Variants in PDZD8 observed in about 807,000 individuals in gnomAD.
PDZD8 encodes PDZ domain containing 8.
In PDZD8, 14 loss-of-function variants were observed where a neutral mutation model predicts 85.8. That is an observed-to-expected ratio of 0.16 (90% CI 0.11 to 0.26). PDZD8 has a LOEUF of 0.26. PDZD8 is among the 10% of genes least tolerant of loss of function. The pLI is 1.00. For missense variants in PDZD8, 1,197 were observed against 1,424.3 expected, an observed-to-expected ratio of 0.84 and a Z score of 2.57; for synonymous variants, 592 against 568.6, an observed-to-expected ratio of 1.04 and a Z score of -0.59.
Position 117,283,841 on chromosome 10 carries a change from T to C in PDZD8, c.2892A>G (p.Val964=), listed in dbSNP as rs2133756699. 3 of 1,614,216 alleles carry C rather than the reference T, an allele frequency of 1.9e-6. No homozygotes were observed. Among genetic ancestry groups the C allele is most frequent in the Non-Finnish European group, 2.5e-6 (3 of 1,180,030 alleles). Residue 964 remains valine (V), a synonymous_variant, in exon 5 of 5, where the codon GTA becomes GTG. Transcript: ENST00000334464. ...TRLSEPGTDL[V]EPSPKHTPNT... is the part of the protein sequence containing the mutation. The stretch of plus-strand genomic sequence containing the variant: ...TGGGTGTGTGTTTTGGTGAAGGTTC[T>C]ACGAGATCGGTTCCTGGTTCAGAAA...
intron 2 of PDZD8, among the ~76,000 whole-genome samples, chr10:117,339,387 A>G (rs2532844): frequency 0.77 from 116,880 of 152,020 alleles, 45,591 homozygotes; most frequent in Non-Finnish European, 0.85. Context: ...TAGCTTTTGA[A>G]CCAAACCAAG....
intron 2 of PDZD8, among the ~76,000 whole-genome samples, chr10:117,340,028 T>TA (rs1844583429): frequency 6.6e-6 from 1 of 152,168 alleles, no homozygotes; most frequent in Non-Finnish European, 1.5e-5. Context: ...GACTAGGAGA[T>TA]ATGAAGGCTA....
At chr10:117,358,617 T>A (rs1844941694) in intron 1 of PDZD8, among the ~76,000 whole-genome samples, 1 of 152,200 alleles carries the variant, frequency 6.6e-6, no homozygotes, top group Non-Finnish European at 1.5e-5. Context: ...ATTTATTTAT[T>A]CCTCACTTTC....
At chr10:117,373,040 G>C (rs1428772479) in intron 1 of PDZD8, among the ~76,000 whole-genome samples, 1 of 152,110 alleles carries the variant, frequency 6.6e-6, no homozygotes, top group Non-Finnish European at 1.5e-5. Flanking sequence ...AAATTTTAAA[G>C]GCTCAAATGT....
rs761153142 is a variant in PDZD8, at chr10:117,374,348, C to T, written c.872+8G>A. 6.2e-6 allele frequency: 10 copies of T among 1,610,824 alleles called. No individual in the cohort carries two copies. The African/African-American group carries it at 1.2e-4, about 19-fold the overall frequency. On this transcript the variant is annotated splice_region_variant and intron_variant, in intron 1 of 4. Transcript: ENST00000334464. The surrounding 1 kb of genome is among the most constrained non-coding windows in gnomAD (Gnocchi z 7.8). ...GCAGCCAGGCCCCCTCCCCGACCTC[C>T]AGCTCACCTGATCTTGTAATTCGGT...
chr10:117,359,007 G>A (rs975782173), intron 1 of PDZD8, among the ~76,000 whole-genome samples: 3 of 152,096 alleles, frequency 2.0e-5, no homozygotes, highest in African/African-American at 7.2e-5. Context: ...ATGGCTGTTT[G>A]TCTTCCTTGG....
intron 2 of PDZD8, among the ~76,000 whole-genome samples, chr10:117,328,823 T>C (rs1379115951): frequency 6.6e-6 from 1 of 152,206 alleles, no homozygotes; most frequent in Non-Finnish European, 1.5e-5. Flanking sequence ...TAATTAAATA[T>C]AATCCTCCCT....
intron 2 of PDZD8, among the ~76,000 whole-genome samples, chr10:117,324,964 T>C (rs1844289720): frequency 6.6e-6 from 1 of 152,174 alleles, no homozygotes; most frequent in African/African-American, 2.4e-5. Context: ...TATGGCAATA[T>C]AATCATTTAT....
intron 3 of PDZD8, among the ~76,000 whole-genome samples, chr10:117,294,069 T>C (rs1345072833): frequency 1.3e-5 from 2 of 152,184 alleles, no homozygotes; most frequent in Admixed American, 6.5e-5. Flanking sequence ...AGGAAATTTA[T>C]AGTTTTAAAT....
rs1197328345 is a variant in PDZD8, at chr10:117,284,144, A to G, written c.2589T>C (p.Thr863=). The change falls in exon 5 of 5, where the codon ACT becomes ACC. Residue 863 remains threonine (T), a synonymous_variant. Coordinates refer to ENST00000334464, the MANE Select transcript of PDZD8 (RefSeq NM_173791.5). ...AAAACATACACTGGGAAGCTGCTTT[A>G]GTCCAAACTTTTTTCTTACAGTAGT... The part of the protein sequence containing the change: ...WCDYCKKKVW[T]KAASQCMFCA... 19 of 1,614,046 alleles carry G rather than the reference A, an allele frequency of 1.2e-5. No individual in the cohort carries two copies. The highest frequency in any genetic ancestry group is 1.6e-5 in the Non-Finnish European group (19 of 1,180,032).
chr10:117,284,374 C>T lies in PDZD8; in HGVS notation c.2359G>A (p.Gly787Ser), dbSNP rs779310296. 9 of 1,614,120 alleles carry T rather than the reference C, an allele frequency of 5.6e-6. No individual in the cohort carries two copies. Among genetic ancestry groups the T allele is most frequent in the Non-Finnish European group, 7.6e-6 (9 of 1,180,026 alleles). Residue 787 changes from glycine to serine, a missense_variant, in exon 5 of 5, where the codon GGT (glycine) becomes AGT (serine). Gly to Ser is a moderately conservative substitution (Grantham distance 56). This residue lies in a region of PDZD8 where 418 missense variants were observed against 571.1 expected (regional missense o/e 0.73). Transcript: ENST00000334464. ...QKGFNDKFCYGDITIHFKYLK... is the reference protein window; with the variant it reads ...QKGFNDKFCYSDITIHFKYLK... Reference sequence around the variant, plus strand: ...TATTTGAAGTGAATAGTAATGTCACCATAGCAAAATTTGTCATTGAATCCC... The same window carrying T: ...TATTTGAAGTGAATAGTAATGTCACTATAGCAAAATTTGTCATTGAATCCC...
At chr10:117,338,598 C>A (rs1300826797) in intron 2 of PDZD8, among the ~76,000 whole-genome samples, 1 of 152,118 alleles carries the variant, frequency 6.6e-6, no homozygotes, top group East Asian at 1.9e-4. Context: ...CATCATCAAC[C>A]CAGTTCCTTC....
rs1258092625 is a variant in PDZD8 at position 117,282,604 on chromosome 10, A to C, written c.*664T>G. ...TACAGCTGCACAAAAGCTTTAGAAA[A>C]AAATTTCACAGAAGCATCGAAAGCA... On this transcript the variant is annotated 3_prime_UTR_variant, in exon 5 of 5. Transcript: ENST00000334464. The C allele has an allele frequency of 6.6e-6, 1 of 152,212 alleles. No homozygotes were observed. Among genetic ancestry groups the C allele is most frequent in the Non-Finnish European group, 1.5e-5 (1 of 68,044 alleles). The allele number at this position is 152,212 out of a possible 1,614,324, so 9.4% of individuals were successfully genotyped here. A position where few individuals can be genotyped will look rare whatever the true frequency, so the allele number is the denominator to read the frequency against.
At chr10:117,355,441 A>G (rs1844877592) in intron 1 of PDZD8, among the ~76,000 whole-genome samples, 1 of 152,154 alleles carries the variant, frequency 6.6e-6, no homozygotes, top group Non-Finnish European at 1.5e-5. Context: ...CCTCCTCCCA[A>G]CTAAATTGTG....
intron 2 of PDZD8, among the ~76,000 whole-genome samples, chr10:117,339,128 CAAAAAA>C (rs71013660): frequency 1.5e-5 from 2 of 129,406 alleles, no homozygotes; most frequent in South Asian, 2.5e-4. Flanking sequence ...TGGACTTAAC[CAAAAAA>C]AAAAAAAAAA....
In PDZD8 at chr10:117,349,735, C is replaced by G. The variant is rs113640629; in HGVS notation, c.873-8633G>C. 3.9e-3 allele frequency among the ~76,000 whole-genome samples: 586 copies of G among 152,012 alleles called. 3 individuals carry two copies. Among genetic ancestry groups the G allele is most frequent in the African/African-American group, 0.013 (554 of 41,462 alleles). On this transcript the variant is annotated intron_variant, in intron 1 of 4. Transcript: ENST00000334464. ...GGAGGATCATTTGAGCCTGGGAGAT[C>G]GAGGCTGCAGTGAGCTGAGATCACA...
At chr10:117,327,020 G>C (rs1844329210) in intron 2 of PDZD8, among the ~76,000 whole-genome samples, 1 of 152,198 alleles carries the variant, frequency 6.6e-6, no homozygotes, top group African/African-American at 2.4e-5. Context: ...CCTTCTGATA[G>C]TAGTAGTCTC....
chr10:117,285,079 G>A lies in PDZD8; in HGVS notation c.1654C>T (p.Leu552=). Reference sequence around the variant, plus strand: ...TCTTTGGACTGAATTTTCGGTGGTAGTGGGTGACTTCCTACAGCTAATTTA... The same window carrying A: ...TCTTTGGACTGAATTTTCGGTGGTAATGGGTGACTTCCTACAGCTAATTTA... ...NRKLAVGSHP[L]PPKIQSKDGN... The change falls in exon 5 of 5, where the codon CTA becomes TTA. Residue 552 remains leucine (L), a synonymous_variant. Coordinates refer to ENST00000334464, the MANE Select transcript of PDZD8 (RefSeq NM_173791.5). The A allele has an allele frequency of 1.9e-6, 3 of 1,614,040 alleles. No homozygotes were observed. The highest frequency in any genetic ancestry group is 1.3e-5 in the African/African-American group (1 of 75,050).
intron 2 of PDZD8, among the ~76,000 whole-genome samples, chr10:117,320,755 A>G (rs547542883): frequency 5.9e-4 from 90 of 152,300 alleles, no homozygotes; most frequent in African/African-American, 1.9e-3. Flanking sequence ...AATGTTTGCA[A>G]AACAAGTATT....
Sources: allele counts gnomAD v4.1 joint callset (sites outside exome capture counted in the v4.1 genomes callset), GRCh38; gene constraint gnomAD v4.1.1; regional missense constraint gnomAD v4.1.1; non-coding constraint Gnocchi (gnomAD v3.1); transcripts MANE v1.5; gene names NCBI Gene and HGNC (gene_info 2026-07-23, HGNC 2026-07-21).